Variants in FGF12 observed in about 807,000 individuals in gnomAD.
FGF12 encodes fibroblast growth factor 12B.
Under a neutral mutation model 23.6 loss-of-function variants are expected in FGF12, and 14 were observed. The observed-to-expected ratio is 0.59, with a 90% CI of 0.39 to 0.93. The LOEUF (loss-of-function observed/expected upper bound fraction) is 0.93. FGF12 is among the 40% of genes least tolerant of loss of function. The probability of loss-of-function intolerance (pLI) is 0.00; values close to 1 mark genes in which losing one functional copy is unlikely to be tolerated. For synonymous variants in FGF12, 62 were observed against 77.3 expected (o/e 0.80, Z 1.04); for missense variants, 175 against 217.8 (o/e 0.80, Z 1.24).
At chr3:192,709,997 G>A (rs1292721705) in intron 2 of FGF12, among the ~76,000 whole-genome samples, 3 of 152,346 alleles carry the variant, frequency 2.0e-5, no homozygotes, top group African/African-American at 4.8e-5. Context: ...ACAGACAAAT[G>A]AGAATGTCAA....
intron 5 of FGF12, among the ~76,000 whole-genome samples, chr3:192,166,172 T>TA (rs751082061): frequency 3.9e-5 from 6 of 152,210 alleles, no homozygotes; most frequent in African/African-American, 1.4e-4. Flanking sequence ...GGTAACCTGT[T>TA]AAAATCATTT....
chr3:192,642,294 C>T lies in FGF12; in HGVS notation c.13+84887G>A, dbSNP rs1006978660. Among the ~76,000 whole-genome samples the T allele has an allele frequency of 4.6e-5, 7 of 152,096 alleles. No individual in the cohort carries two copies. In the South Asian group the frequency reaches 6.2e-4, roughly 13 times the overall value. ...CATTACAGAGAGGGAAACCAGGCTC[C>T]GAGAATTCGAAACACTTTCCTAAGA... is the stretch of plus-strand genomic sequence containing the variant. On this transcript the variant is annotated intron_variant, in intron 2 of 5. Coordinates refer to ENST00000445105, the MANE Select transcript of FGF12 (RefSeq NM_004113.6).
chr3:192,241,267 A>C lies in FGF12; in HGVS notation c.229-70611T>G, dbSNP rs981079994. ...AATGATTTAAACATATGCAAGGATT[A>C]AGGTGACAGAAGAGAATGTAAATGT... is the stretch of plus-strand genomic sequence containing the variant. On this transcript the variant is annotated intron_variant, in intron 4 of 5. Transcript: ENST00000445105. 5.3e-5 allele frequency among the ~76,000 whole-genome samples: 8 copies of C among 152,214 alleles called. No homozygotes were observed. The East Asian group carries it at 1.3e-3, about 26-fold the overall frequency.
chr3:192,530,888 C>T (rs941043103), intron 2 of FGF12, among the ~76,000 whole-genome samples: 1 of 152,118 alleles, frequency 6.6e-6, no homozygotes, highest in African/African-American at 2.4e-5. Flanking sequence ...AATCTCAGCT[C>T]ACTGCAACCT....
chr3:192,555,139 C>T (rs1365323989), intron 2 of FGF12, among the ~76,000 whole-genome samples: 1 of 152,138 alleles, frequency 6.6e-6, no homozygotes, highest in African/African-American at 2.4e-5. Flanking sequence ...TGGGCCCAAA[C>T]TTCCCAAATC....
At chr3:192,287,522 G>A (rs1714520629) in intron 4 of FGF12, among the ~76,000 whole-genome samples, 1 of 152,010 alleles carries the variant, frequency 6.6e-6, no homozygotes, top group African/African-American at 2.4e-5. Context: ...CATGAGAAAA[G>A]CTCCGAAAGC....
At chr3:192,718,263 A>G (rs528872684) in intron 2 of FGF12, among the ~76,000 whole-genome samples, 3 of 146,090 alleles carry the variant, frequency 2.1e-5, no homozygotes, top group Admixed American at 1.4e-4. Flanking sequence ...TGACTGTTGT[A>G]TAAATAAACT....
intron 2 of FGF12, among the ~76,000 whole-genome samples, chr3:192,430,925 C>T (rs1032766192): frequency 1.2e-4 from 18 of 152,114 alleles, no homozygotes; most frequent in African/African-American, 4.3e-4. Flanking sequence ...ACAATTGGGT[C>T]TATGCTCAAT....
chr3:192,529,643 GAA>G (rs1725039085), intron 2 of FGF12, among the ~76,000 whole-genome samples: 1 of 152,150 alleles, frequency 6.6e-6, no homozygotes. Context: ...ATTTACAAAA[GAA>G]AGAGGTTTAA....
rs1339628930 is a variant in FGF12, at chr3:192,514,865, C to T, written c.14-154327G>A. The T allele has an allele frequency of 1.0e-6, 1 of 985,244 alleles. No homozygotes were observed. Among genetic ancestry groups the T allele is most frequent in the Non-Finnish European group, 1.2e-6 (1 of 829,912 alleles). The allele number at this position is 985,244 out of a possible 1,614,324, so 61.0% of individuals were successfully genotyped here. A position where few individuals can be genotyped will look rare whatever the true frequency, so the allele number is the denominator to read the frequency against. On this transcript the variant is annotated intron_variant, in intron 2 of 5. Transcript: ENST00000445105. This position sits in a 1 kb window ranked among gnomAD's most constrained non-coding sequence, Gnocchi z 4.9. The stretch of plus-strand genomic sequence containing the variant: ...CCGGGTCCCGAGTCCATCGCGCGCG[C>T]CCAGGTGGAGGGGAGTTTGCACATG...
At chr3:192,634,873 T>C (rs1020867504) in intron 2 of FGF12, among the ~76,000 whole-genome samples, 2 of 152,160 alleles carry the variant, frequency 1.3e-5, no homozygotes, top group Non-Finnish European at 2.9e-5. Flanking sequence ...TTTTTTTTCT[T>C]TTTTGCAACA....
chr3:192,302,496 T>G (rs1272656456), intron 4 of FGF12, among the ~76,000 whole-genome samples: 1 of 152,172 alleles, frequency 6.6e-6, no homozygotes, highest in Admixed American at 6.5e-5. Context: ...AATGTGCACT[T>G]ACTAATTCAC....
chr3:192,294,477 G>A (rs531988018), intron 4 of FGF12, among the ~76,000 whole-genome samples: 15 of 152,108 alleles, frequency 9.9e-5, no homozygotes, highest in South Asian at 2.1e-4. Context: ...CCCTGTCATC[G>A]CTGTCACTCT....
intron 4 of FGF12, among the ~76,000 whole-genome samples, chr3:192,201,076 T>C (rs1276503700): frequency 6.6e-6 from 1 of 152,190 alleles, no homozygotes; most frequent in African/African-American, 2.4e-5. Context: ...GGGTCATCTG[T>C]AGGGGGCCAC....
chr3:192,561,554 G>A (rs1048482472), intron 2 of FGF12, among the ~76,000 whole-genome samples: 7 of 152,030 alleles, frequency 4.6e-5, no homozygotes, highest in Non-Finnish European at 8.8e-5. Flanking sequence ...AGTAGAGATG[G>A]GGTTTCACCG....
intron 4 of FGF12, among the ~76,000 whole-genome samples, chr3:192,254,673 G>C (rs1342340262): frequency 1.3e-5 from 2 of 151,984 alleles, no homozygotes; most frequent in African/African-American, 2.4e-5. Context: ...CAAAAGCCAA[G>C]ATTCTCAGGC....
chr3:192,339,213 C>T (rs73887295), intron 3 of FGF12, among the ~76,000 whole-genome samples: 30,025 of 151,952 alleles, frequency 0.2, 4,787 homozygotes, highest in African/African-American at 0.43. Flanking sequence ...CATCTGCCTC[C>T]TAAAAGTCCC....
At chr3:192,699,462 C>T (rs1718226561) in intron 2 of FGF12, among the ~76,000 whole-genome samples, 1 of 152,036 alleles carries the variant, frequency 6.6e-6, no homozygotes, top group Non-Finnish European at 1.5e-5. Flanking sequence ...TGGTGGGGTG[C>T]AATATATCCA....
intron 4 of FGF12, among the ~76,000 whole-genome samples, chr3:192,236,667 G>A (rs1322371807): frequency 6.6e-6 from 1 of 151,996 alleles, no homozygotes; most frequent in East Asian, 1.9e-4. Context: ...AATAATAATA[G>A]CCACACCTGC....
Sources: allele counts gnomAD v4.1 joint callset (sites outside exome capture counted in the v4.1 genomes callset), GRCh38; gene constraint gnomAD v4.1.1; non-coding constraint Gnocchi (gnomAD v3.1); transcripts MANE v1.5; gene names NCBI Gene and HGNC (gene_info 2026-07-23, HGNC 2026-07-21).